HIP1: variants seen among roughly 807,000 people sequenced by gnomAD.
HIP1 encodes the protein huntingtin-interacting protein 1.
HIP1 carries 65 observed loss-of-function variants against 147.6 expected under a neutral mutation model. The ratio of observed to expected loss-of-function variants is 0.44; its 90% CI spans 0.36 to 0.54. The LOEUF is 0.54. Ranked by LOEUF, HIP1 falls within the 20% of genes least tolerant of loss-of-function variation. The pLI is 0.00. For synonymous variants in HIP1, 479 were observed against 504.0 expected (o/e 0.95, Z 0.67); for missense variants, 1,061 against 1,299.6 (o/e 0.82, Z 2.82).
chr7:75,683,228 G>A (rs1800151249), intron 1 of HIP1, among the ~76,000 whole-genome samples: 2 of 151,992 alleles, frequency 1.3e-5, no homozygotes, highest in African/African-American at 4.8e-5. Context: ...TGATCCACCT[G>A]CCTCAGCCTC....
Position 75,590,963 on chromosome 7 carries a change from T to G in HIP1, c.384+1093A>C, listed in dbSNP as rs143763096. 3.3e-5 allele frequency among the ~76,000 whole-genome samples: 5 copies of G among 152,062 alleles called. No homozygotes were observed. In the East Asian group the frequency reaches 9.7e-4, roughly 29 times the overall value. ...AGGTGCAGACAGATACAGGTAAGAC[T>G]GTGCAAAAAGGCTAAAGTAGTAGTT... On this transcript the variant is annotated intron_variant, in intron 4 of 30. Transcript: ENST00000336926.
intron 1 of HIP1, among the ~76,000 whole-genome samples, chr7:75,660,053 G>A (rs1010013592): frequency 6.6e-6 from 1 of 151,688 alleles, no homozygotes; most frequent in Admixed American, 6.6e-5. Flanking sequence ...GTGAACCGGA[G>A]AAGCGGAGGT....
intron 23 of HIP1, 140 bp from the exon 24 acceptor site, chr7:75,547,953 G>C: frequency 1.3e-6 from 1 of 760,494 alleles, no homozygotes; most frequent in Non-Finnish European, 2.3e-6. Context: ...CCACATTCTT[G>C]AGAGAGTCAG....
intron 22 of HIP1, among the ~76,000 whole-genome samples, chr7:75,549,452 C>G (rs1333512199): frequency 6.6e-6 from 1 of 150,914 alleles, no homozygotes; most frequent in Non-Finnish European, 1.5e-5. Context: ...CTCACTGCAG[C>G]CTCCGCCTCC....
rs1179627 is a variant in HIP1, at chr7:75,631,913, G to A, written c.121-32666C>T. Among the ~76,000 whole-genome samples the A allele has an allele frequency of 8.6e-3, 1,307 of 152,146 alleles. 22 individuals carry two copies. Among genetic ancestry groups the A allele is most frequent in the African/African-American group, 0.029 (1,192 of 41,512 alleles). On this transcript the variant is annotated intron_variant, in intron 1 of 30. Transcript: ENST00000336926. Reference sequence around the variant, plus strand: ...GGGGAGATTGGAGTAGGGGAAAGACGGCAGGAAATGGGGAAGTGGGAGGGA... The same window carrying A: ...GGGGAGATTGGAGTAGGGGAAAGACAGCAGGAAATGGGGAAGTGGGAGGGA...
chr7:75,549,345 T>C (rs1386104924), intron 22 of HIP1, among the ~76,000 whole-genome samples: 1 of 150,108 alleles, frequency 6.7e-6, no homozygotes, highest in Admixed American at 6.8e-5. Flanking sequence ...AATTTTTCTT[T>C]TTCTTTTGCT....
rs201773342 is a variant in HIP1 at position 75,558,203 on chromosome 7, G to T, written c.1428C>A (p.Ser476Arg). 289 of 1,614,042 alleles carry T rather than the reference G, an allele frequency of 1.8e-4. 1 individual carries two copies. Among genetic ancestry groups the T allele is most frequent in the Non-Finnish European group, 1.9e-5 (23 of 1,180,002 alleles). ...GGTCAGCGTGGTTCTGAACCAGCTCGCTGTACTTCTCCTTTAGCTTGCTAT... is the reference window on the plus strand; with the variant it reads ...GGTCAGCGTGGTTCTGAACCAGCTCTCTGTACTTCTCCTTTAGCTTGCTAT... ...QRYSKLKEKY[S>R]ELVQNHADLL... Residue 476 changes from serine (S) to arginine (R), a missense_variant, in exon 15 of 31, where the codon AGC (serine) becomes AGA (arginine). By Grantham distance (110) the Ser-to-Arg change is moderately radical (BLOSUM62 -1). Transcript: ENST00000336926.
intron 17 of HIP1, 104 bp from the exon 18 acceptor site, chr7:75,556,273 G>T: frequency 7.2e-7 from 1 of 1,380,504 alleles, no homozygotes; most frequent in Non-Finnish European, 9.9e-7. Context: ...CTGGGAAGGT[G>T]ATGGCTCTTT....
At chr7:75,561,619 G>A (rs1795231492) in intron 12 of HIP1, among the ~76,000 whole-genome samples, 4 of 152,004 alleles carry the variant, frequency 2.6e-5, no homozygotes, top group African/African-American at 4.8e-5. Context: ...AATATTTGAG[G>A]GTCAAGACAT....
chr7:75,700,074 C>T (rs1254077393), intron 1 of HIP1, among the ~76,000 whole-genome samples: 21 of 152,176 alleles, frequency 1.4e-4, no homozygotes, highest in African/African-American at 4.8e-4. Flanking sequence ...TGGTCTCGAA[C>T]TCCTGGCCTC....
chr7:75,658,161 T>A (rs1349378284), intron 1 of HIP1, among the ~76,000 whole-genome samples: 1 of 152,186 alleles, frequency 6.6e-6, no homozygotes, highest in Non-Finnish European at 1.5e-5. Context: ...TGTTGTGATC[T>A]CGTCTCACTG....
intron 1 of HIP1, among the ~76,000 whole-genome samples, chr7:75,706,822 C>T (rs1483149069): frequency 1.1e-5 from 1 of 90,294 alleles, no homozygotes; most frequent in Non-Finnish European, 2.1e-5. Flanking sequence ...GTGATATTCC[C>T]CTTCCTGTGT....
At chr7:75,677,690 G>A (rs1799942998) in intron 1 of HIP1, among the ~76,000 whole-genome samples, 1 of 149,878 alleles carries the variant, frequency 6.7e-6, no homozygotes. Flanking sequence ...ACTATTCTCT[G>A]TTGCTGCCTA....
chr7:75,547,129 G>A (rs1468879228), intron 24 of HIP1, 97 bp from the exon 25 acceptor site: 6 of 1,005,202 alleles, frequency 6.0e-6, no homozygotes, highest in Admixed American at 4.1e-5. Context: ...GGCAAGCTTG[G>A]AATGGGAAAG....
chr7:75,665,917 T>C (rs1009064659), intron 1 of HIP1, among the ~76,000 whole-genome samples: 1 of 152,136 alleles, frequency 6.6e-6, no homozygotes, highest in Non-Finnish European at 1.5e-5. Context: ...CTTCCTTTTA[T>C]ATGGCAATGT....
At chr7:75,607,230 T>TC (rs778433482) in intron 1 of HIP1, among the ~76,000 whole-genome samples, 7,900 of 146,112 alleles carry the variant, frequency 0.054, 548 homozygotes, top group African/African-American at 0.16. Context: ...TGTTTTTTGT[T>TC]TTGTTTTTTT....
In HIP1 at chr7:75,714,943, C is replaced by G. The variant is rs569856184; in HGVS notation, c.120+23858G>C. On this transcript the variant is annotated intron_variant, in intron 1 of 30. Coordinates refer to ENST00000336926, the MANE Select transcript of HIP1 (RefSeq NM_005338.7). Reference sequence around the variant, plus strand: ...GACTGCAATGTCTCCTTGGCCTCCTCCCGTCTGTGACAGTTCCTTAGCCTT... The same window carrying G: ...GACTGCAATGTCTCCTTGGCCTCCTGCCGTCTGTGACAGTTCCTTAGCCTT... 6.6e-5 allele frequency among the ~76,000 whole-genome samples: 10 copies of G among 152,348 alleles called. No homozygotes were observed. In the South Asian group the frequency reaches 1.2e-3, roughly 19 times the overall value.
At chr7:75,650,915 G>A (rs1158313569) in intron 1 of HIP1, among the ~76,000 whole-genome samples, 1 of 152,148 alleles carries the variant, frequency 6.6e-6, no homozygotes, top group African/African-American at 2.4e-5. Context: ...TGAGCCAGCA[G>A]CAATTTACTG....
chr7:75,723,641 C>G lies in HIP1; in HGVS notation c.120+15160G>C, dbSNP rs113833451. Among the ~76,000 whole-genome samples, 540 of 152,116 alleles carry G rather than the reference C, an allele frequency of 3.5e-3. 2 individuals carry two copies. The highest frequency in any genetic ancestry group is 0.012 in the African/African-American group (497 of 41,440). On this transcript the variant is annotated intron_variant, in intron 1 of 30. Coordinates refer to ENST00000336926, the MANE Select transcript of HIP1 (RefSeq NM_005338.7). ...AGGCCTCCCTCTGGTCCTCCCACATCTCAGAGTTAGCAGCTGTGCATGAAA... is the reference window on the plus strand; with the variant it reads ...AGGCCTCCCTCTGGTCCTCCCACATGTCAGAGTTAGCAGCTGTGCATGAAA...
Sources: allele counts gnomAD v4.1 joint callset (sites outside exome capture counted in the v4.1 genomes callset), GRCh38; gene constraint gnomAD v4.1.1; transcripts MANE v1.5; gene names NCBI Gene and HGNC (gene_info 2026-07-23, HGNC 2026-07-21).